SGPP2: variants seen among roughly 807,000 people sequenced by gnomAD.
SGPP2 encodes the protein sphingosine-1-phosphate phosphatase 2.
In SGPP2, 30 loss-of-function variants were observed where a neutral mutation model predicts 33.9. That is an observed-to-expected ratio of 0.89 (90% CI 0.66 to 1.20). SGPP2 has a LOEUF of 1.20. Ranked by LOEUF, SGPP2 falls within the 50% of genes most tolerant of loss-of-function variation. SGPP2 has a pLI of 0.00. For synonymous variants in SGPP2, 233 were observed against 225.0 expected (o/e 1.04, Z -0.32); for missense variants, 458 against 532.1 (o/e 0.86, Z 1.37).
chr2:222,546,794 T>C (rs115396917), intron 4 of SGPP2, among the ~76,000 whole-genome samples: 271 of 150,652 alleles, frequency 1.8e-3, no homozygotes, highest in African/African-American at 6.4e-3. Flanking sequence ...ACTAATATAA[T>C]TCAGACGTTT....
At chr2:222,508,712 G>A (rs1390375661) in intron 2 of SGPP2, among the ~76,000 whole-genome samples, 2 of 152,138 alleles carry the variant, frequency 1.3e-5, no homozygotes, top group East Asian at 1.9e-4. Context: ...ATGAGAAAAT[G>A]TTGTAACTTA....
intron 1 of SGPP2, among the ~76,000 whole-genome samples, chr2:222,449,935 A>G (rs1469333492): frequency 3.3e-5 from 5 of 152,150 alleles, no homozygotes; most frequent in African/African-American, 1.2e-4. Context: ...CCAAGTTCAG[A>G]CACGGGTTTG....
At chr2:222,530,123 C>T (rs1054257199) in intron 4 of SGPP2, among the ~76,000 whole-genome samples, 2 of 152,168 alleles carry the variant, frequency 1.3e-5, no homozygotes, top group African/African-American at 4.8e-5. Flanking sequence ...AATTATGCTG[C>T]AAACAGACGT....
rs55636429 is a variant in SGPP2 at position 222,489,573 on chromosome 2, T to TAAA, written c.378+14856_378+14858dup. Among the ~76,000 whole-genome samples, 11 of 150,448 alleles carry TAAA rather than the reference T, an allele frequency of 7.3e-5. No homozygotes were observed. The East Asian group carries it at 7.8e-4, about 11-fold the overall frequency. ...AGAATGTATGTTAGAGACTGAGCTT[T>TAAA]AAAAAAAAAAATCAAGTCTTCTAAT... On this transcript the variant is annotated intron_variant, in intron 2 of 4. Coordinates refer to ENST00000321276, the MANE Select transcript of SGPP2 (RefSeq NM_152386.4).
chr2:222,449,433 C>A (rs1394926558), intron 1 of SGPP2, among the ~76,000 whole-genome samples: 1 of 152,000 alleles, frequency 6.6e-6, no homozygotes, highest in Non-Finnish European at 1.5e-5. Context: ...GAACACGTGC[C>A]CCATCCTAAG....
chr2:222,479,987 T>C (rs958516928), intron 2 of SGPP2, among the ~76,000 whole-genome samples: 7 of 152,180 alleles, frequency 4.6e-5, no homozygotes, highest in African/African-American at 1.7e-4. Flanking sequence ...CAAAAGAATT[T>C]TAGACATTGA....
chr2:222,431,919 A>G (rs534055936), intron 1 of SGPP2, among the ~76,000 whole-genome samples: 1 of 152,342 alleles, frequency 6.6e-6, no homozygotes, highest in Admixed American at 6.5e-5. Flanking sequence ...CCCTGGAGAA[A>G]GGCAGAGAGT....
Position 222,557,979 on chromosome 2 carries a change from G to A in SGPP2, c.649-368G>A, listed in dbSNP as rs184437512. Among the ~76,000 whole-genome samples the A allele has an allele frequency of 1.5e-3, 231 of 152,322 alleles. 1 individual carries two copies. Among genetic ancestry groups the A allele is most frequent in the Admixed American group, 0.013 (200 of 15,304 alleles). On this transcript the variant is annotated intron_variant, in intron 4 of 4. Coordinates refer to ENST00000321276, the MANE Select transcript of SGPP2 (RefSeq NM_152386.4). ...AGCCCAACCCCCAGGTGGATGAAAGGATGGTGACACCTCGGTGAAGACGGT... is the reference window on the plus strand; with the variant it reads ...AGCCCAACCCCCAGGTGGATGAAAGAATGGTGACACCTCGGTGAAGACGGT...
At chr2:222,429,248 G>A (rs1697116767) in intron 1 of SGPP2, among the ~76,000 whole-genome samples, 1 of 152,212 alleles carries the variant, frequency 6.6e-6, no homozygotes. Flanking sequence ...GACCAACAAA[G>A]TTGGGAAGCT....
intron 2 of SGPP2, among the ~76,000 whole-genome samples, chr2:222,474,975 A>G (rs550264085): frequency 6.6e-6 from 1 of 152,282 alleles, no homozygotes; most frequent in East Asian, 1.9e-4. Context: ...TGATGCCTAC[A>G]TCTTTGCAGA....
rs1169852263 is a variant in SGPP2, at chr2:222,521,883, C to T, written c.495C>T (p.Thr165=). The change falls in exon 3 of 5, where the codon ACC becomes ACT. Residue 165 remains threonine (T), a synonymous_variant. Coordinates refer to ENST00000321276, the MANE Select transcript of SGPP2 (RefSeq NM_152386.4). ...TCGCTGAATATGGAATGCCATCCAC[C>T]CACGCCATGGCGGCCACTGCCATTG... is the stretch of plus-strand genomic sequence containing the variant. ...RLIAEYGMPS[T]HAMAATAIAF... is the part of the protein sequence containing the mutation. 4 of 1,608,970 alleles carry T rather than the reference C, an allele frequency of 2.5e-6. No homozygotes were observed. Among genetic ancestry groups the T allele is most frequent in the Middle Eastern group, 3.3e-4 (2 of 6,042 alleles).
chr2:222,474,240 A>G (rs1474039146), intron 1 of SGPP2, among the ~76,000 whole-genome samples: 1 of 152,244 alleles, frequency 6.6e-6, no homozygotes, highest in African/African-American at 2.4e-5. Context: ...GCAGAGACCC[A>G]TATAATGTCC....
intron 2 of SGPP2, among the ~76,000 whole-genome samples, chr2:222,488,715 C>T (rs962459113): frequency 9.2e-5 from 14 of 152,160 alleles, no homozygotes; most frequent in Admixed American, 5.9e-4. Context: ...GAACATCAAA[C>T]ATGCAAGCCT....
chr2:222,545,594 A>G (rs915310263), intron 4 of SGPP2, among the ~76,000 whole-genome samples: 2 of 152,090 alleles, frequency 1.3e-5, no homozygotes, highest in African/African-American at 4.8e-5. Context: ...CAAAGAGCTT[A>G]TGTCTTTTGT....
chr2:222,503,733 A>G (rs555647438), intron 2 of SGPP2: 2 of 152,238 alleles, frequency 1.3e-5, no homozygotes, highest in Non-Finnish European at 2.9e-5. Flanking sequence ...TTCCTTCTTC[A>G]TGGGTCTTGG....
chr2:222,430,998 TA>T (rs548450727), intron 1 of SGPP2, among the ~76,000 whole-genome samples: 2 of 151,480 alleles, frequency 1.3e-5, no homozygotes, highest in East Asian at 3.9e-4. Flanking sequence ...AAAAATTAGG[TA>T]AAAAATAAGG....
At chr2:222,437,398 G>A (rs1277722352) in intron 1 of SGPP2, among the ~76,000 whole-genome samples, 3 of 152,236 alleles carry the variant, frequency 2.0e-5, no homozygotes, top group Non-Finnish European at 2.9e-5. Context: ...GAAAGGGGCT[G>A]TAGTGCTGCA....
intron 1 of SGPP2, among the ~76,000 whole-genome samples, chr2:222,466,482 T>C (rs1173693361): frequency 6.6e-6 from 1 of 152,004 alleles, no homozygotes; most frequent in East Asian, 1.9e-4. Context: ...ATGGTCTCGA[T>C]CTCCTGACCT....
intron 1 of SGPP2, among the ~76,000 whole-genome samples, chr2:222,434,506 G>C (rs74415030): frequency 0.027 from 4,039 of 152,158 alleles, 164 homozygotes; most frequent in African/African-American, 0.088. Flanking sequence ...GGGGGCAGTG[G>C]TTTCCCTCAA....
Sources: allele counts gnomAD v4.1 joint callset (sites outside exome capture counted in the v4.1 genomes callset), GRCh38; gene constraint gnomAD v4.1.1; transcripts MANE v1.5; gene names NCBI Gene and HGNC (gene_info 2026-07-23, HGNC 2026-07-21).